TPO: variants seen among roughly 807,000 people sequenced by gnomAD.
TPO encodes the protein thyroid peroxidase, also known as thyroid microsomal antigen.
In TPO, 78 loss-of-function variants were observed where a neutral mutation model predicts 96.9. That is an observed-to-expected ratio of 0.81 (90% CI 0.67 to 0.97). The LOEUF (loss-of-function observed/expected upper bound fraction) is 0.97. Ranked by LOEUF, TPO falls within the 50% of genes least tolerant of loss-of-function variation. The pLI is 0.00. For synonymous variants in TPO, 547 were observed against 538.0 expected, an observed-to-expected ratio of 1.02 and a Z score of -0.23; for missense variants, 1,252 against 1,274.8, an observed-to-expected ratio of 0.98 and a Z score of 0.27.
chr2:1,438,687 A>C, intron 5 of TPO: 1 of 616,848 alleles, frequency 1.6e-6, no homozygotes, highest in Non-Finnish European at 2.9e-6. Context: ...GGTGAATTAC[A>C]GTGCTTGGGG....
chr2:1,496,769 A>G lies in TPO; in HGVS notation c.2386+4A>G. 1 of 1,614,194 alleles carries G rather than the reference A, an allele frequency of 6.2e-7. No homozygotes were observed. The highest frequency in any genetic ancestry group is 8.5e-7 in the Non-Finnish European group (1 of 1,180,042). The stretch of plus-strand genomic sequence containing the variant: ...TTCCAGCCTCCCCTCTGCAAAGGTC[A>G]GTCCTTTCTTCAATGACAATTACAA... On this transcript the variant is annotated splice_donor_region_variant and intron_variant, in intron 13 of 16. Coordinates refer to ENST00000329066, the MANE Select transcript of TPO (RefSeq NM_001206744.2).
intron 5 of TPO, chr2:1,439,410 C>T (rs186366239): frequency 6.6e-6 from 1 of 152,426 alleles, no homozygotes; most frequent in Non-Finnish European, 1.5e-5. Flanking sequence ...AAATCGGTCA[C>T]TTGTTGTTAT....
intron 6 of TPO, 46 bp downstream of exon 6, chr2:1,453,869 T>C: frequency 6.2e-7 from 1 of 1,613,110 alleles, no homozygotes; most frequent in Non-Finnish European, 8.5e-7. Context: ...TTGGGTCCTG[T>C]GATGCTGAGG....
chr2:1,501,658 G>A (rs1351110797), intron 13 of TPO, among the ~76,000 whole-genome samples: 5 of 152,190 alleles, frequency 3.3e-5, no homozygotes. Context: ...CCAATGTGCA[G>A]TGCCCTCATA....
chr2:1,520,941 T>C (rs1454120038), intron 15 of TPO, among the ~76,000 whole-genome samples: 1 of 152,226 alleles, frequency 6.6e-6, no homozygotes, highest in Non-Finnish European at 1.5e-5. Flanking sequence ...CCAGGGAAGA[T>C]GCTAAATGTG....
intron 14 of TPO, 113 bp from the exon 15 acceptor site, chr2:1,516,770 G>T: frequency 1.1e-6 from 1 of 924,264 alleles, no homozygotes; most frequent in Non-Finnish European, 1.8e-6. Context: ...GCGTCATGCT[G>T]TGGGGTGAAG....
intron 15 of TPO, among the ~76,000 whole-genome samples, chr2:1,522,048 C>A (rs1033127858): frequency 4.6e-5 from 7 of 152,016 alleles, no homozygotes; most frequent in Non-Finnish European, 8.8e-5. Flanking sequence ...ATGTGCCTTC[C>A]TCCCTCTCCT....
chr2:1,498,438 G>A (rs543692534), intron 13 of TPO, among the ~76,000 whole-genome samples: 4 of 152,350 alleles, frequency 2.6e-5, no homozygotes, highest in Admixed American at 1.3e-4. Flanking sequence ...ACTCACTAAC[G>A]GCACAAGGAG....
At position 1,440,499 on chromosome 2, in the gene TPO, G is replaced by A. The variant is rs1242661273; in HGVS notation, c.482+4115G>A. On this transcript the variant is annotated intron_variant, in intron 5 of 16. Coordinates refer to ENST00000329066, the MANE Select transcript of TPO (RefSeq NM_001206744.2). ...ACCATTTCACCTGGACATTTTGTTT[G>A]TATGGTGTAGTCGGTGCCGCAGGAG... Among the ~76,000 whole-genome samples the A allele has an allele frequency of 2.6e-5, 4 of 152,200 alleles. No homozygotes were observed. The East Asian group carries it at 5.8e-4, about 22-fold the overall frequency.
At chr2:1,424,991 C>T (rs1361879064) in intron 3 of TPO, among the ~76,000 whole-genome samples, 1 of 89,458 alleles carries the variant, frequency 1.1e-5, no homozygotes, top group Non-Finnish European at 2.4e-5. Flanking sequence ...TGCCGGGATA[C>T]AGAGATGAGT....
At chr2:1,515,025 T>C (rs1222666259) in intron 14 of TPO, among the ~76,000 whole-genome samples, 2 of 151,976 alleles carry the variant, frequency 1.3e-5, no homozygotes, top group Non-Finnish European at 2.9e-5. Context: ...AGGTGGCCCC[T>C]CCAGCCCAAG....
At chr2:1,523,429 C>A (rs533176336) in intron 15 of TPO, among the ~76,000 whole-genome samples, 5 of 145,764 alleles carry the variant, frequency 3.4e-5, no homozygotes, top group African/African-American at 5.1e-5. Context: ...CTCTGTGCAA[C>A]CTCCCCAAAT....
At chr2:1,534,663 A>AC (rs536160810) in intron 15 of TPO, among the ~76,000 whole-genome samples, 644 of 6,228 alleles carry the variant, frequency 0.1, no homozygotes, top group African/African-American at 0.18. Flanking sequence ...GTCCCCAAAT[A>AC]CCCCCCCCAC....
intron 4 of TPO, 71 bp downstream of exon 4, chr2:1,433,678 G>T (rs1158985568): frequency 6.4e-7 from 1 of 1,557,592 alleles, no homozygotes; most frequent in East Asian, 2.4e-5. Context: ...TTGTGCAGGG[G>T]CTGCTTGCTC....
chr2:1,422,396 G>T (rs942882135), intron 2 of TPO, among the ~76,000 whole-genome samples: 1 of 104,530 alleles, frequency 9.6e-6, no homozygotes, highest in Non-Finnish European at 2.0e-5. Flanking sequence ...GCCGCGCTGG[G>T]CCATGGGGAG....
intron 14 of TPO, among the ~76,000 whole-genome samples, chr2:1,507,866 T>C (rs1165107152): frequency 1.3e-5 from 2 of 152,224 alleles, no homozygotes; most frequent in Non-Finnish European, 2.9e-5. Context: ...CCTAATTGAA[T>C]ACCCTTTATT....
At chr2:1,431,348 G>T (rs1261513798) in intron 3 of TPO, among the ~76,000 whole-genome samples, 1 of 152,130 alleles carries the variant, frequency 6.6e-6, no homozygotes, top group Non-Finnish European at 1.5e-5. Context: ...GCTTCCTGAG[G>T]TCTCCCCAGA....
chr2:1,538,144 T>TCC (rs2125336320), intron 15 of TPO, among the ~76,000 whole-genome samples: 3 of 139,768 alleles, frequency 2.1e-5, no homozygotes, highest in Admixed American at 7.1e-5. Context: ...CCTTCTCAAA[T>TCC]ACCCCATACT....
intron 2 of TPO, among the ~76,000 whole-genome samples, chr2:1,418,452 G>A (rs1186052256): frequency 6.6e-6 from 1 of 152,136 alleles, no homozygotes; most frequent in African/African-American, 2.4e-5. Context: ...TTGTTCCAGA[G>A]CAGGATCCCC....
Sources: gnomAD v4.1 joint callset for allele counts (sites outside exome capture counted in the v4.1 genomes callset) on GRCh38, gnomAD v4.1.1 for gene constraint, MANE v1.5 for transcripts, NCBI Gene and HGNC (gene_info 2026-07-23, HGNC 2026-07-21) for gene names.